Variants in NEGR1 observed in about 807,000 individuals in gnomAD.
The protein encoded by NEGR1 is neuronal growth regulator 1.
A neutral mutation model predicts 40.9 loss-of-function variants in NEGR1; 10 were observed. That is an observed-to-expected ratio of 0.24 (90% CI 0.15 to 0.42). The LOEUF is 0.42. NEGR1 is among the 10% of genes least tolerant of loss of function. The pLI is 1.00. For synonymous variants in NEGR1, 185 were observed against 166.8 expected (o/e 1.11, Z -0.84); for missense variants, 352 against 438.9 (o/e 0.80, Z 1.77).
At chr1:71,426,660 T>C (rs1646430620) in intron 6 of NEGR1, among the ~76,000 whole-genome samples, 3 of 152,204 alleles carry the variant, frequency 2.0e-5, no homozygotes, top group East Asian at 1.9e-4. Context: ...CTTTAAAGCT[T>C]ACTAAATCAT....
chr1:72,188,342 C>T (rs1201026341), intron 1 of NEGR1, among the ~76,000 whole-genome samples: 1 of 151,412 alleles, frequency 6.6e-6, no homozygotes, highest in Non-Finnish European at 1.5e-5. Flanking sequence ...CTACCAATGA[C>T]ACTTCTTTTC....
At chr1:72,194,316 A>G (rs1652925658) in intron 1 of NEGR1, among the ~76,000 whole-genome samples, 1 of 151,932 alleles carries the variant, frequency 6.6e-6, no homozygotes, top group Non-Finnish European at 1.5e-5. Context: ...CAGGAGGCTG[A>G]AACAAATGAG....
chr1:72,092,943 T>C (rs1648554534), intron 1 of NEGR1, among the ~76,000 whole-genome samples: 1 of 152,128 alleles, frequency 6.6e-6, no homozygotes, highest in South Asian at 2.1e-4. Context: ...TGAGCCACTG[T>C]ACCTGACCTC....
At chr1:71,633,744 C>T (rs1020789232) in intron 4 of NEGR1, among the ~76,000 whole-genome samples, 3 of 152,038 alleles carry the variant, frequency 2.0e-5, no homozygotes, top group Non-Finnish European at 4.4e-5. Context: ...TAGATTGGCC[C>T]CTTCGCTTTC....
In NEGR1 at chr1:72,172,370, C is replaced by A. The variant is rs535236220; in HGVS notation, c.176+109949G>T. Among the ~76,000 whole-genome samples, 68 of 152,118 alleles carry A rather than the reference C, an allele frequency of 4.5e-4. 1 individual carries two copies. The highest frequency in any genetic ancestry group is 8.4e-4 in the Non-Finnish European group (57 of 67,992). ...AAAAACAGGAGATAGCATGACCATACCAACATGCAACCTTAAAAGACACTT... is the reference window on the plus strand; with the variant it reads ...AAAAACAGGAGATAGCATGACCATAACAACATGCAACCTTAAAAGACACTT... On this transcript the variant is annotated intron_variant, in intron 1 of 6. Coordinates refer to ENST00000357731, the MANE Select transcript of NEGR1 (RefSeq NM_173808.3).
At chr1:71,825,801 GTAGA>G (rs1220625895) in intron 2 of NEGR1, among the ~76,000 whole-genome samples, 3 of 151,918 alleles carry the variant, frequency 2.0e-5, no homozygotes, top group East Asian at 1.9e-4. Context: ...AAATATGTAT[GTAGA>G]TAGATAGATA....
chr1:72,055,846 A>C (rs529527355), intron 1 of NEGR1, among the ~76,000 whole-genome samples: 1 of 148,168 alleles, frequency 6.7e-6, no homozygotes, highest in Non-Finnish European at 1.5e-5. Context: ...CTCTTTCAAG[A>C]TAAAAAGCAC....
intron 1 of NEGR1, among the ~76,000 whole-genome samples, chr1:71,948,535 C>G (rs575184713): frequency 6.6e-6 from 1 of 150,446 alleles, no homozygotes; most frequent in South Asian, 2.1e-4. Context: ...ATATTTGGTA[C>G]GAAAATGGAC....
chr1:71,857,080 G>A (rs1659794788), intron 2 of NEGR1, among the ~76,000 whole-genome samples: 1 of 151,920 alleles, frequency 6.6e-6, no homozygotes, highest in Non-Finnish European at 1.5e-5. Context: ...GAGATGACTT[G>A]CAAACAGGAA....
chr1:71,531,723 C>T (rs138123941), intron 6 of NEGR1, among the ~76,000 whole-genome samples: 1 of 151,206 alleles, frequency 6.6e-6, no homozygotes, highest in Admixed American at 6.6e-5. Flanking sequence ...TTAAATAGAC[C>T]ACTCAATATG....
intron 3 of NEGR1, among the ~76,000 whole-genome samples, chr1:71,705,567 G>A (rs866867365): frequency 6.6e-6 from 1 of 151,744 alleles, no homozygotes; most frequent in African/African-American, 2.4e-5. Flanking sequence ...ATTAAGAAAC[G>A]GGCCAGGCCT....
At chr1:71,627,833 T>G (rs1015233387) in intron 4 of NEGR1, among the ~76,000 whole-genome samples, 7 of 152,066 alleles carry the variant, frequency 4.6e-5, no homozygotes, top group African/African-American at 1.7e-4. Flanking sequence ...TTATCTTCTG[T>G]TGAGAAAATA....
At chr1:71,574,589 G>T (rs112913765) in intron 6 of NEGR1, among the ~76,000 whole-genome samples, 10 of 152,260 alleles carry the variant, frequency 6.6e-5, no homozygotes, top group African/African-American at 2.2e-4. Flanking sequence ...AGAGAGAAAT[G>T]AAGTAGGTGA....
intron 6 of NEGR1, among the ~76,000 whole-genome samples, chr1:71,506,086 C>T (rs774259793): frequency 2.0e-5 from 3 of 152,106 alleles, no homozygotes; most frequent in Non-Finnish European, 4.4e-5. Flanking sequence ...AAGGAGAGAA[C>T]TCCAAAAATT....
At chr1:72,238,103 A>G (rs1654617765) in intron 1 of NEGR1, among the ~76,000 whole-genome samples, 1 of 151,810 alleles carries the variant, frequency 6.6e-6, no homozygotes, top group Non-Finnish European at 1.5e-5. Context: ...ACTTTCATCA[A>G]TTTCTATGAC....
At chr1:72,077,626 CAATA>C (rs3080202) in intron 1 of NEGR1, among the ~76,000 whole-genome samples, 16,857 of 146,752 alleles carry the variant, frequency 0.11, 1,086 homozygotes, top group Non-Finnish European at 0.15. Flanking sequence ...TCTGTCTCTA[CAATA>C]AATAAATAAA....
chr1:71,497,351 T>C (rs1306542423), intron 6 of NEGR1, among the ~76,000 whole-genome samples: 1 of 152,160 alleles, frequency 6.6e-6, no homozygotes, highest in African/African-American at 2.4e-5. Flanking sequence ...ATATCATAAA[T>C]ATAGATAAAA....
chr1:72,081,637 C>T (rs1288645391), intron 1 of NEGR1, among the ~76,000 whole-genome samples: 1 of 151,996 alleles, frequency 6.6e-6, no homozygotes. Context: ...GTGCCCAGCA[C>T]TCAAGAGGTG....
At chr1:72,200,833 TAAAG>T (rs1361322366) in intron 1 of NEGR1, among the ~76,000 whole-genome samples, 1 of 151,936 alleles carries the variant, frequency 6.6e-6, no homozygotes, top group Non-Finnish European at 1.5e-5. Context: ...AACTTTTCAA[TAAAG>T]AATGTGTTCA....
Sources: allele counts gnomAD v4.1 joint callset (sites outside exome capture counted in the v4.1 genomes callset), GRCh38; gene constraint gnomAD v4.1.1; transcripts MANE v1.5; gene names NCBI Gene and HGNC (gene_info 2026-07-23, HGNC 2026-07-21).